Variants in TP63 observed in about 807,000 individuals in gnomAD.
The protein encoded by TP63 is tumor protein p63, also known as tumor protein 63.
In TP63, 17 loss-of-function variants were observed where a neutral mutation model predicts 82.8. The observed-to-expected ratio is 0.21, with a 90% CI of 0.14 to 0.31. The LOEUF (loss-of-function observed/expected upper bound fraction) is 0.31. Among genes scored for constraint, TP63 ranks in the 10% least tolerant of loss-of-function variants. TP63 has a pLI of 1.00. For missense variants in TP63, 648 were observed against 895.3 expected (o/e 0.72, Z 3.52); for synonymous variants, 330 against 321.7 (o/e 1.03, Z -0.28).
At chr3:189,671,161 G>A (rs1341058555) in intron 1 of TP63, among the ~76,000 whole-genome samples, 3 of 151,800 alleles carry the variant, frequency 2.0e-5, no homozygotes, top group East Asian at 3.9e-4. Context: ...CAGAATATAC[G>A]AAAAATTCAA....
chr3:189,742,965 G>A (rs960197455), intron 3 of TP63, among the ~76,000 whole-genome samples: 7 of 151,692 alleles, frequency 4.6e-5, no homozygotes, highest in Admixed American at 4.6e-4. Flanking sequence ...ATCAGGTTTG[G>A]GTAACTGTTA....
intron 1 of TP63, among the ~76,000 whole-genome samples, chr3:189,687,838 C>T (rs1451015953): frequency 6.6e-6 from 1 of 152,122 alleles, no homozygotes; most frequent in Non-Finnish European, 1.5e-5. Flanking sequence ...TGAAATGTAG[C>T]AGGTGTCCAA....
chr3:189,710,110 T>G lies in TP63; in HGVS notation c.63-27630T>G, dbSNP rs573342041. On this transcript the variant is annotated intron_variant, in intron 1 of 13. Coordinates refer to ENST00000264731, the MANE Select transcript of TP63 (RefSeq NM_003722.5). The stretch of plus-strand genomic sequence containing the variant: ...TTTCACTAGACTTAGACTATACTAT[T>G]AAATCATAGAAGTCTGTGTATATGT... Among the ~76,000 whole-genome samples, 29 of 152,272 alleles carry G rather than the reference T, an allele frequency of 1.9e-4. No individual in the cohort carries two copies. The South Asian group carries it at 6.0e-3, about 32-fold the overall frequency.
chr3:189,708,191 TA>T (rs1475738882), intron 1 of TP63, among the ~76,000 whole-genome samples: 1 of 152,238 alleles, frequency 6.6e-6, no homozygotes, highest in Admixed American at 6.5e-5. Context: ...AATGGTTTAC[TA>T]ACATTGAATT....
chr3:189,616,863 G>C, the TP63 span, among the ~76,000 whole-genome samples: 3 of 152,154 alleles, frequency 2.0e-5, no homozygotes, highest in Admixed American at 2.0e-4. Flanking sequence ...AGCTTGCATT[G>C]TGAGTCTCCA....
rs2108843299 is a variant in TP63, at chr3:189,881,399, T to G, written c.1350-4995T>G. ...TTCCCACACCCAGTCACCAGCACTG[T>G]ATTTTCTGTCACCAAGACAATGATT... On this transcript the variant is annotated intron_variant, in intron 10 of 13. Transcript: ENST00000264731. 7 of 985,438 alleles carry G rather than the reference T, an allele frequency of 7.1e-6. No individual in the cohort carries two copies. The Middle Eastern group carries it at 3.1e-3, about 441-fold the overall frequency. 61.0% of individuals were successfully genotyped at this position (985,438 alleles called of 1,614,324 possible).
the TP63 span, among the ~76,000 whole-genome samples, chr3:189,619,923 C>T: frequency 1.3e-5 from 2 of 152,148 alleles, no homozygotes; most frequent in African/African-American, 4.8e-5. Flanking sequence ...TTTCGTTCTC[C>T]ACTCTTGGAC....
chr3:189,881,567 G>T (rs572629221), intron 10 of TP63: 4 of 963,134 alleles, frequency 4.2e-6, no homozygotes, highest in Non-Finnish European at 4.9e-6. Context: ...TCATGTAAGT[G>T]CTTGAAGTAG....
chr3:189,814,375 T>A (rs551304852), intron 4 of TP63, among the ~76,000 whole-genome samples: 5 of 152,214 alleles, frequency 3.3e-5, no homozygotes, highest in Non-Finnish European at 7.3e-5. Flanking sequence ...TGGGGCTTGA[T>A]CTAATCTTAC....
intron 4 of TP63, among the ~76,000 whole-genome samples, chr3:189,839,860 C>T (rs1713721825): frequency 6.6e-6 from 1 of 152,198 alleles, no homozygotes; most frequent in Non-Finnish European, 1.5e-5. Context: ...AGAGAACTGT[C>T]CTCTTTTTCA....
chr3:189,867,920 A>G lies in TP63; in HGVS notation c.970A>G (p.Ile324Val). 5.6e-6 allele frequency: 9 copies of G among 1,614,024 alleles called. No homozygotes were observed. The highest frequency in any genetic ancestry group is 7.6e-6 in the Non-Finnish European group (9 of 1,179,934). The change falls in exon 7 of 14, where the codon ATT becomes GTT. Residue 324 changes from isoleucine to valine, a missense_variant. This residue lies in a region of TP63 where 30 missense variants were observed against 85.4 expected (regional missense o/e 0.35). Coordinates refer to ENST00000264731, the MANE Select transcript of TP63 (RefSeq NM_003722.5). Reference protein sequence around the residue: ...GGMNRRPILIIVTLETRDGQV... With the variant: ...GGMNRRPILIVVTLETRDGQV... ...GATGAACCGCCGTCCAATTTTAATC[A>G]TTGTTACTCTGGAAACCAGAGAGTA...
chr3:189,843,087 G>A (rs763636201), intron 4 of TP63, among the ~76,000 whole-genome samples: 7 of 152,094 alleles, frequency 4.6e-5, no homozygotes, highest in Non-Finnish European at 8.8e-5. Flanking sequence ...CTCCACCCCC[G>A]CCCCTTCCCA....
chr3:189,785,357 A>G (rs1724516839), intron 3 of TP63, among the ~76,000 whole-genome samples: 1 of 152,120 alleles, frequency 6.6e-6, no homozygotes, highest in African/African-American at 2.4e-5. Flanking sequence ...TTGGAGTACT[A>G]AATGTGACAT....
At chr3:189,754,360 A>G (rs1332972695) in intron 3 of TP63, among the ~76,000 whole-genome samples, 3 of 152,200 alleles carry the variant, frequency 2.0e-5, no homozygotes, top group Admixed American at 1.3e-4. Flanking sequence ...TGAACAAATT[A>G]TATTTTCTAT....
intron 1 of TP63, among the ~76,000 whole-genome samples, chr3:189,693,640 A>G (rs1157810211): frequency 1.3e-5 from 2 of 152,234 alleles, no homozygotes; most frequent in Non-Finnish European, 2.9e-5. Context: ...TAAGAAAATT[A>G]TGGTAGATAT....
chr3:189,831,066 T>C (rs956649972), intron 4 of TP63, among the ~76,000 whole-genome samples: 7 of 149,868 alleles, frequency 4.7e-5, no homozygotes, highest in Admixed American at 7.4e-5. Flanking sequence ...GTATTTCTGT[T>C]GTTGGTGTGG....
chr3:189,842,269 A>C (rs1334213758), intron 4 of TP63, among the ~76,000 whole-genome samples: 1 of 152,120 alleles, frequency 6.6e-6, no homozygotes, highest in Non-Finnish European at 1.5e-5. Flanking sequence ...GTGTCCATAA[A>C]GCTCTCCGAT....
intron 3 of TP63, among the ~76,000 whole-genome samples, chr3:189,805,482 A>G (rs1726781149): frequency 6.6e-6 from 1 of 152,262 alleles, no homozygotes; most frequent in Admixed American, 6.5e-5. Flanking sequence ...CAAGTTAGTC[A>G]GGTAAGTTTT....
chr3:189,693,402 C>G (rs1021071414), intron 1 of TP63, among the ~76,000 whole-genome samples: 5 of 152,030 alleles, frequency 3.3e-5, no homozygotes, highest in Non-Finnish European at 5.9e-5. Flanking sequence ...TAATTAAAAC[C>G]AAGGGAGAAG....
Sources: allele counts gnomAD v4.1 joint callset (sites outside exome capture counted in the v4.1 genomes callset), GRCh38; gene constraint gnomAD v4.1.1; regional missense constraint gnomAD v4.1.1; transcripts MANE v1.5; gene names NCBI Gene and HGNC (gene_info 2026-07-23, HGNC 2026-07-21).